Variants in RDX observed in about 807,000 individuals in gnomAD.
RDX encodes deafness, autosomal recessive 24.
RDX carries 32 observed loss-of-function variants against 83.7 expected under a neutral mutation model. The ratio of observed to expected loss-of-function variants is 0.38; its 90% CI spans 0.29 to 0.51. The LOEUF (loss-of-function observed/expected upper bound fraction) is 0.51, where lower values mean the gene tolerates loss of function less well. Ranked by LOEUF, RDX falls within the 20% of genes least tolerant of loss-of-function variation. RDX has a pLI of 0.87. For missense variants in RDX, 600 were observed against 689.9 expected (o/e 0.87, Z 1.46); for synonymous variants, 229 against 222.7 (o/e 1.03, Z -0.25).
intron 10 of RDX, among the ~76,000 whole-genome samples, chr11:110,246,186 G>A (rs1019736999): frequency 4.6e-5 from 7 of 152,082 alleles, no homozygotes; most frequent in African/African-American, 9.6e-5. Flanking sequence ...ATGAGCCACC[G>A]CACCCAGCCT....
intron 14 of RDX, among the ~76,000 whole-genome samples, chr11:110,220,519 C>CTTTTTTTTTTTTTTTTTTTTTTTT (rs1216743762): frequency 6.6e-6 from 1 of 152,060 alleles, no homozygotes; most frequent in Non-Finnish European, 1.5e-5. Flanking sequence ...AAAGATTTCT[C>CTTTTTTTTTTTTTTTTTTTTTTTT]TTATTTTTTT....
chr11:110,220,972 G>A (rs1453594255), intron 14 of RDX, among the ~76,000 whole-genome samples: 3 of 151,288 alleles, frequency 2.0e-5, no homozygotes, highest in Admixed American at 2.0e-4. Context: ...ATAGGCTACA[G>A]AGTCTATATT....
At chr11:110,182,338 A>G (rs573518682) in intron 15 of RDX, among the ~76,000 whole-genome samples, 3 of 152,348 alleles carry the variant, frequency 2.0e-5, no homozygotes, top group African/African-American at 7.2e-5. Context: ...ATGGTGGCTC[A>G]TGCCTGTAAT....
intron 1 of RDX, among the ~76,000 whole-genome samples, chr11:110,287,597 C>T (rs186490517): frequency 2.0e-5 from 3 of 152,166 alleles, no homozygotes; most frequent in Admixed American, 6.5e-5. Context: ...CATGTCATCC[C>T]GTCATCCCAA....
At chr11:110,244,294 G>A (rs746063463) in intron 10 of RDX, among the ~76,000 whole-genome samples, 8 of 139,142 alleles carry the variant, frequency 5.7e-5, no homozygotes, top group Non-Finnish European at 1.2e-4. Context: ...CCTGGGAGGC[G>A]AAGGTTGCAG....
At position 110,264,990 on chromosome 11, in the gene RDX, G is replaced by A. The variant is rs985695581; in HGVS notation, c.97-116C>T. 4.7e-6 allele frequency: 3 copies of A among 643,524 alleles called. No individual in the cohort carries two copies. The Admixed American group carries it at 7.9e-5, about 17-fold the overall frequency. The allele number at this position is 643,524 out of a possible 1,614,324, so 39.9% of individuals were successfully genotyped here. On this transcript the variant is annotated intron_variant, in intron 3 of 13. Transcript: ENST00000645495. ...TATGTAAGTATACGTATATTCCTTTGCCATAGAAAAGGCTTTCCCTAAATT... is the reference window on the plus strand; with the variant it reads ...TATGTAAGTATACGTATATTCCTTTACCATAGAAAAGGCTTTCCCTAAATT...
Position 110,258,145 on chromosome 11 carries a change from C to T in RDX, c.512G>A (p.Arg171Lys), listed in dbSNP as rs1279952599. Residue 171 changes from arginine (R) to lysine (K), a missense_variant, in exon 6 of 14, where the codon AGA becomes AAA. By Grantham distance (26) the Arg-to-Lys change is conservative. Coordinates refer to ENST00000645495, the MANE Select transcript of RDX (RefSeq NM_002906.4). ...ATGTTCTTCATGCCAGTTCTGTATT[C>T]TTTCTTCCCACTGTTCTTTTGTTAG... ...HKLTKEQWEE[R>K]IQNWHEEHRG... 1.2e-6 allele frequency: 2 copies of T among 1,610,848 alleles called. No individual in the cohort carries two copies. Among genetic ancestry groups the T allele is most frequent in the South Asian group, 2.2e-5 (2 of 90,656 alleles).
chr11:110,209,929 G>A (rs1400540392), intron 14 of RDX, among the ~76,000 whole-genome samples: 7 of 148,854 alleles, frequency 4.7e-5, no homozygotes, highest in Admixed American at 2.0e-4. Flanking sequence ...AAAGCAGAGT[G>A]CCTCTCCTCC....
chr11:110,217,231 T>G (rs1327150537), intron 14 of RDX, among the ~76,000 whole-genome samples: 1 of 152,224 alleles, frequency 6.6e-6, no homozygotes, highest in African/African-American at 2.4e-5. Flanking sequence ...TTCATAGTTG[T>G]AAGTGGATAT....
intron 4 of RDX, 126 bp from the exon 5 acceptor site, chr11:110,264,360 T>C (rs1859934213): frequency 2.9e-6 from 2 of 680,314 alleles, no homozygotes; most frequent in East Asian, 2.7e-5. Flanking sequence ...AAGATTTTAG[T>C]GTGTAATAGT....
chr11:110,246,338 C>T (rs765881575), intron 10 of RDX, among the ~76,000 whole-genome samples: 1 of 152,154 alleles, frequency 6.6e-6, no homozygotes, highest in African/African-American at 2.4e-5. Flanking sequence ...ACTCATTGCT[C>T]AAGAGTACGT....
chr11:110,232,120 T>A (rs979808060), intron 13 of RDX, 87 bp from the exon 14 acceptor site: 8 of 1,037,060 alleles, frequency 7.7e-6, no homozygotes, highest in Non-Finnish European at 1.0e-5. Flanking sequence ...CAAAAATACA[T>A]ATACCAAATC....
chr11:110,256,442 T>C (rs944311915), intron 7 of RDX, among the ~76,000 whole-genome samples: 7 of 152,214 alleles, frequency 4.6e-5, no homozygotes, highest in Non-Finnish European at 8.8e-5. Flanking sequence ...TACGTTTATA[T>C]GCTACTTTGA....
At chr11:110,184,508 G>T (rs1376869507) in intron 15 of RDX, among the ~76,000 whole-genome samples, 1 of 152,224 alleles carries the variant, frequency 6.6e-6, no homozygotes, top group Non-Finnish European at 1.5e-5. Flanking sequence ...CAGGGTGGGT[G>T]GTAGAGCCTC....
intron 14 of RDX, among the ~76,000 whole-genome samples, chr11:110,214,151 ACAAAC>A (rs1450988610): frequency 6.6e-6 from 1 of 151,306 alleles, no homozygotes; most frequent in Non-Finnish European, 1.5e-5. Context: ...CAAGAAAAAA[ACAAAC>A]AACCCCATCA....
rs917556378 is a variant in RDX at position 110,264,968 on chromosome 11, G to T, written c.97-94C>A. 8.5e-5 allele frequency: 71 copies of T among 831,860 alleles called. 1 individual carries two copies. Among genetic ancestry groups the T allele is most frequent in the Non-Finnish European group, 1.3e-4 (62 of 491,238 alleles). The allele number at this position is 831,860 out of a possible 1,614,324, so 51.5% of individuals were successfully genotyped here. A position where few individuals can be genotyped will look rare whatever the true frequency, so the allele number is the denominator to read the frequency against. ...CACTTCAAAAGGAGAACAAAACTAT[G>T]TAAGTATACGTATATTCCTTTGCCA... On this transcript the variant is annotated intron_variant, in intron 3 of 13. Coordinates refer to ENST00000645495, the MANE Select transcript of RDX (RefSeq NM_002906.4).
rs542996418 is a variant in RDX at position 110,206,093 on chromosome 11, T to TA, written c.1749-6416dup. Among the ~76,000 whole-genome samples the TA allele has an allele frequency of 5.9e-5, 9 of 151,908 alleles. No homozygotes were observed. The South Asian group carries it at 1.0e-3, about 18-fold the overall frequency. ...CAAAATGGTGAAACCCTGTCTCTAC[T>TA]AAAAATAAAAAAAATTAGCTGGGTG... On this transcript the variant is annotated intron_variant, in intron 14 of 15. Transcript: ENST00000528498.
intron 14 of RDX, among the ~76,000 whole-genome samples, chr11:110,205,759 C>T (rs778593892): frequency 1.4e-4 from 22 of 152,112 alleles, no homozygotes; most frequent in African/African-American, 2.4e-4. Context: ...TGAAGTGTGG[C>T]GAAGATGTGG....
chr11:110,246,033 T>C (rs998674913), intron 10 of RDX, among the ~76,000 whole-genome samples: 3 of 152,104 alleles, frequency 2.0e-5, no homozygotes, highest in African/African-American at 7.2e-5. Context: ...GAGTAGCTGA[T>C]ACAACAGGCA....
Sources: gnomAD v4.1 joint callset for allele counts (sites outside exome capture counted in the v4.1 genomes callset) on GRCh38, gnomAD v4.1.1 for gene constraint, MANE v1.5 for transcripts, NCBI Gene and HGNC (gene_info 2026-07-23, HGNC 2026-07-21) for gene names.